UBAP2L: variants seen among roughly 807,000 people sequenced by gnomAD.
UBAP2L encodes ubiquitin-associated protein 2-like.
In UBAP2L, 12 loss-of-function variants were observed where a neutral mutation model predicts 130.6. That is an observed-to-expected ratio of 0.09 (90% CI 0.06 to 0.15). UBAP2L has a LOEUF of 0.15. UBAP2L is among the 10% of genes least tolerant of loss of function. The pLI, the probability that UBAP2L is intolerant of heterozygous loss-of-function variation, is 1.00. For synonymous variants in UBAP2L, 503 were observed against 524.7 expected, an observed-to-expected ratio of 0.96 and a Z score of 0.57; for missense variants, 965 against 1,332.5, an observed-to-expected ratio of 0.72 and a Z score of 4.29.
Position 154,258,938 on chromosome 1 carries a change from G to T in UBAP2L, c.2443-39G>T. The T allele has an allele frequency of 1.9e-6, 3 of 1,581,694 alleles. No homozygotes were observed. The South Asian group carries it at 3.3e-5, about 18-fold the overall frequency. On this transcript the variant is annotated intron_variant, in intron 20 of 26. Transcript: ENST00000428931. ...TGGCTCCTTGTTTTGCTAACATCAT[G>T]ACCAGTTCCTGTTATTGCTATATGT...
At chr1:154,239,240 CTTTTCTTTTT>C (rs1672686458) in intron 8 of UBAP2L, among the ~76,000 whole-genome samples, 1 of 151,102 alleles carries the variant, frequency 6.6e-6, no homozygotes, top group African/African-American at 2.4e-5. Flanking sequence ...TTTTTCTTTT[CTTTTCTTTTT>C]TTTTTGTTTC....
downstream of UBAP2L, chr1:154,271,477 T>G (rs1015689117): frequency 7.9e-5 from 12 of 152,150 alleles, no homozygotes; most frequent in African/African-American, 2.7e-4. Flanking sequence ...AACAAAACCT[T>G]GGGGCCCATT....
In UBAP2L at chr1:154,270,393, C is replaced by A; in HGVS notation, c.*98C>A. 2 of 1,552,648 alleles carry A rather than the reference C, an allele frequency of 1.3e-6. No homozygotes were observed. The highest frequency in any genetic ancestry group is 2.4e-5 in the East Asian group (1 of 41,524). ...AAAGAGAAAGGAATGTGGGGGGTTT[C>A]CGCTGCCCCCCACCCCCAGCGGCCC... On this transcript the variant is annotated 3_prime_UTR_variant, in exon 27 of 27. Transcript: ENST00000428931.
intron 23 of UBAP2L, 114 bp downstream of exon 23, chr1:154,261,223 A>T: frequency 2.4e-6 from 3 of 1,235,834 alleles, no homozygotes; most frequent in Non-Finnish European, 3.3e-6. Flanking sequence ...AACAGTTTCC[A>T]CCTCTGGCCT....
At chr1:154,224,871 A>C (rs1032312026) in intron 1 of UBAP2L, among the ~76,000 whole-genome samples, 2 of 152,178 alleles carry the variant, frequency 1.3e-5, no homozygotes, top group Admixed American at 1.3e-4. Flanking sequence ...CATCACTTAC[A>C]CATGCTTTAT....
At position 154,235,303 on chromosome 1, in the gene UBAP2L, G is replaced by A. The variant is rs756138799; in HGVS notation, c.544+12G>A. 1 of 750,344 alleles carries A rather than the reference G, an allele frequency of 1.3e-6. No homozygotes were observed. Among genetic ancestry groups the A allele is most frequent in the African/African-American group, 1.8e-5 (1 of 56,796 alleles). The allele number at this position is 750,344 out of a possible 1,614,324, so 46.5% of individuals were successfully genotyped here. A position where few individuals can be genotyped will look rare whatever the true frequency, so the allele number is the denominator to read the frequency against. On this transcript the variant is annotated intron_variant, in intron 6 of 26. Coordinates refer to ENST00000428931, the MANE Select transcript of UBAP2L (RefSeq NM_014847.4). ...TGGCCGAGGCAGAGGTGATCAGTTT[G>A]TTGGGGGATGGATATTGGGGGCAGG...
intron 18 of UBAP2L, among the ~76,000 whole-genome samples, chr1:154,256,588 A>G (rs1467258202): frequency 1.3e-5 from 2 of 152,188 alleles, no homozygotes; most frequent in Non-Finnish European, 2.9e-5. Flanking sequence ...GCAGTGAGCC[A>G]AGATTGCACC....
chr1:154,257,495 G>T lies in UBAP2L; in HGVS notation c.2442+61G>T, dbSNP rs1313441175. The T allele has an allele frequency of 1.9e-6, 3 of 1,587,812 alleles. No individual in the cohort carries two copies. In the African/African-American group the frequency reaches 4.0e-5, roughly 21 times the overall value. ...GGATGTTGTGGCTACTCTTTTTATA[G>T]CTCTGGCTTCAGATGGACCCCTGTG... On this transcript the variant is annotated intron_variant, in intron 20 of 26. Transcript: ENST00000428931.
chr1:154,230,945 A>G (rs1404679459), intron 4 of UBAP2L, among the ~76,000 whole-genome samples: 5 of 152,188 alleles, frequency 3.3e-5, no homozygotes, highest in African/African-American at 1.2e-4. Flanking sequence ...CCAGGTTTTG[A>G]GATAGCAGCA....
intron 15 of UBAP2L, 67 bp downstream of exon 15, chr1:154,254,156 G>A (rs1678828243): frequency 1.5e-6 from 2 of 1,374,256 alleles, no homozygotes; most frequent in Non-Finnish European, 1.9e-6. Flanking sequence ...TTAAATATTA[G>A]TGTTTTACTT....
intron 23 of UBAP2L, 84 bp from the exon 24 acceptor site, chr1:154,261,508 A>G: frequency 3.8e-6 from 5 of 1,322,226 alleles, no homozygotes; most frequent in Non-Finnish European, 3.3e-6. Context: ...AGCCATCTGA[A>G]TGGCCAGTAC....
rs115282599 is a variant in UBAP2L at position 154,224,658 on chromosome 1, A to G, written c.-40-426A>G. Among the ~76,000 whole-genome samples, 582 of 152,344 alleles carry G rather than the reference A, an allele frequency of 3.8e-3. 6 individuals are homozygous for G. Among genetic ancestry groups the G allele is most frequent in the African/African-American group, 0.013 (561 of 41,580 alleles). Reference sequence around the variant, plus strand: ...GCTGTTTTCTTAGGTGATTGAATACAGTATTTAAAATTATTTCTCTGGAGT... The same window carrying G: ...GCTGTTTTCTTAGGTGATTGAATACGGTATTTAAAATTATTTCTCTGGAGT... On this transcript the variant is annotated intron_variant, in intron 1 of 26. Transcript: ENST00000428931.
chr1:154,269,248 C>G (rs1488511100), intron 26 of UBAP2L: 1 of 1,121,356 alleles, frequency 8.9e-7, no homozygotes, highest in South Asian at 1.4e-5. Context: ...CACCTTCCCT[C>G]TTTCCTCTCC....
At chr1:154,236,276 G>T (rs1162124798) in intron 6 of UBAP2L, among the ~76,000 whole-genome samples, 2 of 152,144 alleles carry the variant, frequency 1.3e-5, no homozygotes, top group Non-Finnish European at 2.9e-5. Context: ...TTAGCTCACT[G>T]TAGCCTCTGC....
chr1:154,230,048 C>G (rs1489627414), intron 4 of UBAP2L, among the ~76,000 whole-genome samples: 2 of 151,912 alleles, frequency 1.3e-5, no homozygotes, highest in African/African-American at 4.8e-5. Context: ...CGGTGTCTCT[C>G]TCTGTCTCCC....
intron 9 of UBAP2L, among the ~76,000 whole-genome samples, chr1:154,242,485 G>A (rs1673896569): frequency 6.6e-6 from 1 of 152,194 alleles, no homozygotes; most frequent in South Asian, 2.1e-4. Flanking sequence ...GATTTGGCTT[G>A]TCCGCTTAAG....
chr1:154,239,917 G>A (rs1004131535), intron 8 of UBAP2L, among the ~76,000 whole-genome samples: 1 of 152,180 alleles, frequency 6.6e-6, no homozygotes, highest in Non-Finnish European at 1.5e-5. Flanking sequence ...TTATTAAGTG[G>A]TTTAGGATTT....
upstream of UBAP2L, chr1:154,220,827 G>C (rs1383733556): frequency 5.9e-6 from 1 of 168,880 alleles, no homozygotes; most frequent in Non-Finnish European, 1.3e-5. Context: ...TTAGCGTCAC[G>C]CGCTGAGGGA....
Position 154,228,681 on chromosome 1 carries a change from G to A in UBAP2L, c.235G>A (p.Val79Ile), listed in dbSNP as rs753170295. 3.7e-6 allele frequency: 6 copies of A among 1,613,560 alleles called. No individual in the cohort carries two copies. In the Admixed American group the frequency reaches 1.0e-4, roughly 27 times the overall value. Residue 79 changes from valine to isoleucine, a missense_variant, in exon 4 of 27, where the codon GTC (valine) becomes ATC (isoleucine). Physicochemically the swap from Val to Ile is conservative, Grantham distance 29 (BLOSUM62 3). This residue lies in a region of UBAP2L where 34 missense variants were observed against 101.4 expected (regional missense o/e 0.34). Coordinates refer to ENST00000428931, the MANE Select transcript of UBAP2L (RefSeq NM_014847.4). ...VIALHDCNGDVNRAINVLLEG... is the reference protein window; with the variant it reads ...VIALHDCNGDINRAINVLLEG... Reference sequence around the variant, plus strand: ...TGCTTTGCATGACTGCAATGGAGATGTCAACAGAGCTATCAATGTTCTTCT... The same window carrying A: ...TGCTTTGCATGACTGCAATGGAGATATCAACAGAGCTATCAATGTTCTTCT...
Sources: allele counts gnomAD v4.1 joint callset (sites outside exome capture counted in the v4.1 genomes callset), GRCh38; gene constraint gnomAD v4.1.1; regional missense constraint gnomAD v4.1.1; transcripts MANE v1.5; gene names NCBI Gene and HGNC (gene_info 2026-07-23, HGNC 2026-07-21).